The following RBFOX1 variants were observed in gnomAD, a reference collection of about 807,000 sequenced individuals.
RBFOX1 encodes the protein RNA binding fox-1 homolog 1, also known as RNA binding protein fox-1 homolog 1.
In RBFOX1, 8 loss-of-function variants were observed where a neutral mutation model predicts 57.7. That is an observed-to-expected ratio of 0.14 (90% CI 0.08 to 0.25). The LOEUF (loss-of-function observed/expected upper bound fraction) is 0.25, where lower values mean the gene tolerates loss of function less well. Ranked by LOEUF, RBFOX1 falls within the 10% of genes least tolerant of loss-of-function variation. The probability of loss-of-function intolerance (pLI) is 1.00; values close to 1 mark genes in which losing one functional copy is unlikely to be tolerated. For missense variants in RBFOX1, 611 were observed against 548.5 expected (o/e 1.11, Z -1.14); for synonymous variants, 326 against 222.4 (o/e 1.47, Z -4.15).
chr16:7,453,365 G>C (rs901436704), intron 4 of RBFOX1, among the ~76,000 whole-genome samples: 2 of 152,118 alleles, frequency 1.3e-5, no homozygotes, highest in African/African-American at 4.8e-5. Context: ...GTTGAGCTAG[G>C]GAGGTGGAGA....
At chr16:6,651,314 C>G (rs928882600) in intron 2 of RBFOX1, among the ~76,000 whole-genome samples, 1 of 152,194 alleles carries the variant, frequency 6.6e-6, no homozygotes, top group Admixed American at 6.5e-5. Context: ...AGGTCGCCAT[C>G]TTTCTCTCCC....
intron 1 of RBFOX1, among the ~76,000 whole-genome samples, chr16:5,363,906 T>G (rs1464697619): frequency 6.6e-6 from 1 of 152,202 alleles, no homozygotes; most frequent in East Asian, 1.9e-4. Context: ...CGACCAGTGC[T>G]GACTGAGCTC....
chr16:5,937,143 C>A (rs1441276768), intron 4 of RBFOX1, among the ~76,000 whole-genome samples: 3 of 152,170 alleles, frequency 2.0e-5, no homozygotes, highest in Non-Finnish European at 2.9e-5. Context: ...TGGAAATGTG[C>A]TAATCCTGCT....
chr16:6,202,852 A>G (rs959096471), intron 1 of RBFOX1, among the ~76,000 whole-genome samples: 3 of 152,118 alleles, frequency 2.0e-5, no homozygotes, highest in Non-Finnish European at 2.9e-5. Flanking sequence ...CAGTGGCACA[A>G]TCAGAGCTCA....
chr16:6,099,384 A>C (rs2096279377), intron 1 of RBFOX1, among the ~76,000 whole-genome samples: 2 of 152,350 alleles, frequency 1.3e-5, no homozygotes, highest in South Asian at 4.1e-4. Context: ...TTGTCTATGT[A>C]GCCACAGGAG....
chr16:7,079,488 A>T (rs1165664704), intron 4 of RBFOX1, among the ~76,000 whole-genome samples: 4 of 152,216 alleles, frequency 2.6e-5, no homozygotes, highest in Admixed American at 2.6e-4. Flanking sequence ...AGAGGGAGCT[A>T]TTCAGCAACT....
intron 3 of RBFOX1, among the ~76,000 whole-genome samples, chr16:6,753,562 C>A (rs1327757381): frequency 6.6e-6 from 1 of 152,100 alleles, no homozygotes; most frequent in Non-Finnish European, 1.5e-5. Flanking sequence ...TTACATCTGT[C>A]TTAATAGAGA....
chr16:6,190,930 C>A (rs2097137563), intron 1 of RBFOX1, among the ~76,000 whole-genome samples: 1 of 152,084 alleles, frequency 6.6e-6, no homozygotes, highest in African/African-American at 2.4e-5. Context: ...TGACAACACG[C>A]CGGGGGCTCC....
At chr16:6,864,437 A>G (rs2142858815) in intron 3 of RBFOX1, among the ~76,000 whole-genome samples, 1 of 152,294 alleles carries the variant, frequency 6.6e-6, no homozygotes, top group Non-Finnish European at 1.5e-5. Flanking sequence ...CAATTCAGAA[A>G]AGAAATGACA....
chr16:6,361,837 T>G (rs1206180659), intron 2 of RBFOX1, among the ~76,000 whole-genome samples: 1 of 152,142 alleles, frequency 6.6e-6, no homozygotes, highest in African/African-American at 2.4e-5. Context: ...GGAGGAGTGC[T>G]AGGGAAGGAA....
intron 3 of RBFOX1, among the ~76,000 whole-genome samples, chr16:6,897,135 C>T (rs2067134531): frequency 6.6e-6 from 1 of 152,146 alleles, no homozygotes; most frequent in Admixed American, 6.5e-5. Flanking sequence ...CCATTGCTGA[C>T]AAATAACTTG....
intron 2 of RBFOX1, among the ~76,000 whole-genome samples, chr16:5,556,151 A>C (rs909000494): frequency 6.6e-6 from 1 of 152,224 alleles, no homozygotes; most frequent in Non-Finnish European, 1.5e-5. Context: ...ATGAACACAC[A>C]TGTTAATTAA....
chr16:7,380,553 A>T (rs866959948), intron 4 of RBFOX1, among the ~76,000 whole-genome samples: 1 of 152,190 alleles, frequency 6.6e-6, no homozygotes, highest in East Asian at 1.9e-4. Context: ...TTCCCTATTG[A>T]TAGACATTTG....
chr16:5,641,239 G>A (rs548867844), intron 3 of RBFOX1, among the ~76,000 whole-genome samples: 2 of 152,304 alleles, frequency 1.3e-5, no homozygotes, highest in African/African-American at 4.8e-5. Context: ...ATACACACAT[G>A]TACCAACTGA....
At chr16:7,140,532 C>A (rs1178507019) in intron 4 of RBFOX1, among the ~76,000 whole-genome samples, 1 of 152,024 alleles carries the variant, frequency 6.6e-6, no homozygotes, top group African/African-American at 2.4e-5. Context: ...TTAATAAATA[C>A]ATCTTTTAAG....
At chr16:6,464,059 G>T (rs947730240) in intron 2 of RBFOX1, among the ~76,000 whole-genome samples, 10 of 152,144 alleles carry the variant, frequency 6.6e-5, no homozygotes, top group African/African-American at 2.2e-4. Flanking sequence ...AAATTTTCAT[G>T]TTAGTTCCGA....
At chr16:5,376,231 C>T (rs1189246841) in intron 1 of RBFOX1, among the ~76,000 whole-genome samples, 1 of 151,822 alleles carries the variant, frequency 6.6e-6, no homozygotes, top group Non-Finnish European at 1.5e-5. Flanking sequence ...GGGCTGGAGG[C>T]AGTGCTGGAG....
intron 4 of RBFOX1, among the ~76,000 whole-genome samples, chr16:5,926,121 ATTG>A (rs2058935716): frequency 6.6e-6 from 1 of 152,212 alleles, no homozygotes; most frequent in Non-Finnish European, 1.5e-5. Flanking sequence ...TCAAAGACAT[ATTG>A]TTATCTCTTC....
intron 5 of RBFOX1, among the ~76,000 whole-genome samples, chr16:7,524,726 C>T (rs2078292469): frequency 6.6e-6 from 1 of 152,302 alleles, no homozygotes; most frequent in South Asian, 2.1e-4. Context: ...TTGGCCTCAG[C>T]CGCTTCCCAC....
Sources: gnomAD v4.1 joint callset for allele counts (sites outside exome capture counted in the v4.1 genomes callset) on GRCh38, gnomAD v4.1.1 for gene constraint, MANE v1.5 for transcripts, NCBI Gene and HGNC (gene_info 2026-07-23, HGNC 2026-07-21) for gene names.